Variants in COL23A1 observed in about 807,000 individuals in gnomAD.
COL23A1 encodes the protein collagen alpha-1(XXIII) chain.
A neutral mutation model predicts 99.3 loss-of-function variants in COL23A1; 97 were observed. The observed-to-expected ratio is 0.98, with a 90% CI of 0.83 to 1.16. The LOEUF is 1.16. Ranked by LOEUF, COL23A1 falls within the 50% of genes most tolerant of loss-of-function variation. COL23A1 has a pLI of 0.00. For missense variants in COL23A1, 762 were observed against 757.4 expected (o/e 1.01, Z -0.07); for synonymous variants, 320 against 308.2 (o/e 1.04, Z -0.40).
rs1409662120 is a variant in COL23A1 at position 178,479,910 on chromosome 5, G to C, written c.361+80772C>G. 3.3e-5 allele frequency among the ~76,000 whole-genome samples: 5 copies of C among 152,238 alleles called. No homozygotes were observed. The East Asian group carries it at 9.7e-4, about 29-fold the overall frequency. ...AACTTACACAAACCTAGATGGGGCG[G>C]CCTACTGCACACCCAGGCTGTGTGG... On this transcript the variant is annotated intron_variant, in intron 2 of 28. Coordinates refer to ENST00000390654, the MANE Select transcript of COL23A1 (RefSeq NM_173465.4).
At chr5:178,284,008 A>C (rs1477158970) in intron 5 of COL23A1, among the ~76,000 whole-genome samples, 1 of 152,228 alleles carries the variant, frequency 6.6e-6, no homozygotes, top group Non-Finnish European at 1.5e-5. Flanking sequence ...TGTTGAACAC[A>C]GCCAAGCCTC....
At chr5:178,358,313 T>C (rs1357908815) in intron 2 of COL23A1, among the ~76,000 whole-genome samples, 8 of 143,454 alleles carry the variant, frequency 5.6e-5, no homozygotes, top group Admixed American at 4.7e-4. Flanking sequence ...TGTATGTGTG[T>C]GTATGTGTAT....
At chr5:178,448,473 C>T (rs143160317) in intron 2 of COL23A1, among the ~76,000 whole-genome samples, 457 of 151,438 alleles carry the variant, frequency 3.0e-3, no homozygotes, top group Non-Finnish European at 4.5e-3. Flanking sequence ...ACAGAATACC[C>T]GAGACTGGGT....
At chr5:178,390,026 T>A (rs1025224918) in intron 2 of COL23A1, among the ~76,000 whole-genome samples, 1 of 152,302 alleles carries the variant, frequency 6.6e-6, no homozygotes, top group Non-Finnish European at 1.5e-5. Flanking sequence ...GCCAACAATG[T>A]GCTCAGGACG....
At chr5:178,253,768 G>A (rs1270978943) in intron 16 of COL23A1, among the ~76,000 whole-genome samples, 3 of 151,968 alleles carry the variant, frequency 2.0e-5, no homozygotes, top group Non-Finnish European at 4.4e-5. Context: ...GGCGGGAGCC[G>A]CCGCGCCCGG....
chr5:178,446,670 A>C (rs561762671), intron 2 of COL23A1, among the ~76,000 whole-genome samples: 1 of 152,360 alleles, frequency 6.6e-6, no homozygotes, highest in Non-Finnish European at 1.5e-5. Flanking sequence ...AAATGCCCTA[A>C]ACATCTGATC....
In COL23A1 at chr5:178,258,262, T is replaced by TATATATATATATATATATATATATACAC; in HGVS notation, c.730-696_730-695insGTGTATATATATATATATATATATATAT. On this transcript the variant is annotated intron_variant, in intron 12 of 28. Transcript: ENST00000390654. ...ATATATATATATATATATATATATA[T>TATATATATATATATATATATATATACAC]ACACATGCAAATCAATTCTAGGCAC... Among the ~76,000 whole-genome samples the TATATATATATATATATATATATATACAC allele has an allele frequency of 1.5e-3, 153 of 104,024 alleles. 7 individuals are homozygous for TATATATATATATATATATATATATACAC. The highest frequency in any genetic ancestry group is 2.5e-3 in the Non-Finnish European group (111 of 44,766). The allele number at this position is 104,024 out of a possible 152,430, so 68.2% of individuals were successfully genotyped here. A position where few individuals can be genotyped will look rare whatever the true frequency, so the allele number is the denominator to read the frequency against.
chr5:178,393,889 AG>A (rs1764096738), intron 2 of COL23A1, among the ~76,000 whole-genome samples: 1 of 152,164 alleles, frequency 6.6e-6, no homozygotes, highest in Admixed American at 6.5e-5. Flanking sequence ...GGCCTCCCAA[AG>A]TGCTGGGATT....
chr5:178,552,565 T>C (rs1554195286), intron 2 of COL23A1, among the ~76,000 whole-genome samples: 1 of 152,020 alleles, frequency 6.6e-6, no homozygotes, highest in Non-Finnish European at 1.5e-5. Flanking sequence ...GGGTAACAAT[T>C]TCTTGCATTG....
intron 2 of COL23A1, among the ~76,000 whole-genome samples, chr5:178,521,680 GAAT>G (rs1759954930): frequency 6.6e-6 from 1 of 152,196 alleles, no homozygotes; most frequent in Non-Finnish European, 1.5e-5. Context: ...CCATGAAAAG[GAAT>G]GAAGCACTGA....
At chr5:178,300,720 T>C (rs1325680304) in intron 3 of COL23A1, among the ~76,000 whole-genome samples, 2 of 118,464 alleles carry the variant, frequency 1.7e-5, no homozygotes, top group Non-Finnish European at 3.6e-5. Context: ...GGCTAGCTTT[T>C]GTATTTATTT....
chr5:178,383,498 A>G (rs1355714717), intron 2 of COL23A1, among the ~76,000 whole-genome samples: 2 of 152,182 alleles, frequency 1.3e-5, no homozygotes, highest in Non-Finnish European at 1.5e-5. Context: ...GGTCTCTGCC[A>G]CCTGCAGGCC....
chr5:178,358,289 CGT>C (rs1761902628), intron 2 of COL23A1, among the ~76,000 whole-genome samples: 2 of 139,902 alleles, frequency 1.4e-5, no homozygotes, highest in African/African-American at 5.3e-5. Context: ...TATGCGTGTG[CGT>C]ATATGTATGT....
chr5:178,457,266 T>C (rs1561988660), intron 2 of COL23A1, among the ~76,000 whole-genome samples: 1 of 152,174 alleles, frequency 6.6e-6, no homozygotes, highest in South Asian at 2.1e-4. Context: ...CAGGCTGGAG[T>C]GCAGTGGCAC....
At chr5:178,253,232 C>T (rs1001495507) in intron 16 of COL23A1, among the ~76,000 whole-genome samples, 2 of 152,028 alleles carry the variant, frequency 1.3e-5, no homozygotes, top group Admixed American at 6.5e-5. Context: ...TGAAAAACTG[C>T]ACCCTGCCCA....
At chr5:178,443,071 C>T (rs1216827408) in intron 2 of COL23A1, 2 of 152,444 alleles carry the variant, frequency 1.3e-5, no homozygotes, top group African/African-American at 2.4e-5. Flanking sequence ...TGTCCCACTG[C>T]CTTCATTTGA....
intron 5 of COL23A1, among the ~76,000 whole-genome samples, chr5:178,272,950 C>T (rs1417098258): frequency 2.6e-5 from 4 of 152,174 alleles, no homozygotes; most frequent in Admixed American, 6.5e-5. Flanking sequence ...CCCCATCTTA[C>T]GGAGAAGGAA....
At chr5:178,405,634 G>A (rs997966586) in intron 2 of COL23A1, among the ~76,000 whole-genome samples, 8 of 152,132 alleles carry the variant, frequency 5.3e-5, no homozygotes, top group South Asian at 2.1e-4. Context: ...GAGGATGCAC[G>A]ACGACCACCA....
intron 2 of COL23A1, among the ~76,000 whole-genome samples, chr5:178,509,585 C>G (rs1759086519): frequency 6.6e-6 from 1 of 152,304 alleles, no homozygotes; most frequent in African/African-American, 2.4e-5. Flanking sequence ...AACAAAGCTC[C>G]TGGTGACCTC....
Sources: allele counts gnomAD v4.1 joint callset (sites outside exome capture counted in the v4.1 genomes callset), GRCh38; gene constraint gnomAD v4.1.1; transcripts MANE v1.5; gene names NCBI Gene and HGNC (gene_info 2026-07-23, HGNC 2026-07-21).